Variants in LUZP2 observed in about 807,000 individuals in gnomAD.
LUZP2 encodes leucine zipper protein 2.
Under a neutral mutation model 51.6 loss-of-function variants are expected in LUZP2, and 52 were observed. The observed-to-expected ratio is 1.01, with a 90% CI of 0.81 to 1.27. The LOEUF (loss-of-function observed/expected upper bound fraction) is 1.27. LUZP2 is among the 50% of genes most tolerant of loss of function. The pLI is 0.00. For missense variants in LUZP2, 436 were observed against 395.4 expected, an observed-to-expected ratio of 1.10 and a Z score of -0.87; for synonymous variants, 154 against 137.3, an observed-to-expected ratio of 1.12 and a Z score of -0.85.
chr11:24,605,834 T>C (rs1853898474), intron 1 of LUZP2, among the ~76,000 whole-genome samples: 1 of 151,740 alleles, frequency 6.6e-6, no homozygotes, highest in South Asian at 2.1e-4. Flanking sequence ...ACTTCAATTG[T>C]GTGCCCTTTG....
At chr11:24,641,350 A>G (rs1855276079) in intron 1 of LUZP2, among the ~76,000 whole-genome samples, 1 of 151,862 alleles carries the variant, frequency 6.6e-6, no homozygotes, top group South Asian at 2.1e-4. Context: ...AATGACCTTA[A>G]TTTGCAACTT....
At chr11:24,834,122 G>T (rs1304190895) in intron 5 of LUZP2, among the ~76,000 whole-genome samples, 1 of 151,750 alleles carries the variant, frequency 6.6e-6, no homozygotes, top group Admixed American at 6.6e-5. Flanking sequence ...TACATGTGCA[G>T]AATGTGCAGG....
chr11:24,913,634 A>AT (rs1853705021), intron 6 of LUZP2, among the ~76,000 whole-genome samples: 1 of 150,568 alleles, frequency 6.6e-6, no homozygotes, highest in Non-Finnish European at 1.5e-5. Context: ...TTAAGTATCA[A>AT]TTTTTCCTTC....
intron 5 of LUZP2, among the ~76,000 whole-genome samples, chr11:24,850,837 T>A (rs927246593): frequency 1.3e-5 from 2 of 152,210 alleles, no homozygotes; most frequent in African/African-American, 4.8e-5. Context: ...GTTCTTCACA[T>A]CCCTTGTAAG....
At position 25,078,650 on chromosome 11, in the gene LUZP2, AT is replaced by A; in HGVS notation, c.1034del (p.Ile345AsnfsTer5). The A allele has an allele frequency of 6.3e-7, 1 of 1,597,592 alleles. No individual in the cohort carries two copies. The highest frequency in any genetic ancestry group is 8.5e-7 in the Non-Finnish European group (1 of 1,173,068). On this transcript the variant is annotated frameshift_variant, in exon 12 of 12. Coordinates refer to ENST00000336930, the MANE Select transcript of LUZP2 (RefSeq NM_001009909.4). LOFTEE classifies it high-confidence loss of function. ...FEGMAAREEK[I>X]L is the part of the protein sequence containing the mutation. The stretch of plus-strand genomic sequence containing the variant: ...AGGGATGGCAGCTAGAGAAGAAAAA[AT>A]ACTGTAAATACTAAGAAACTGTGTT...
At chr11:24,657,090 T>G (rs1855832393) in intron 1 of LUZP2, among the ~76,000 whole-genome samples, 1 of 152,122 alleles carries the variant, frequency 6.6e-6, no homozygotes, top group Non-Finnish European at 1.5e-5. Context: ...TTGATTTGCA[T>G]TATTTAGAAA....
chr11:24,530,397 A>C (rs188743271), intron 1 of LUZP2, among the ~76,000 whole-genome samples: 1 of 151,006 alleles, frequency 6.6e-6, no homozygotes, highest in East Asian at 1.9e-4. Context: ...CATCATATAT[A>C]CATATACCCA....
intron 1 of LUZP2, among the ~76,000 whole-genome samples, chr11:24,569,489 A>G (rs1181506462): frequency 6.6e-6 from 1 of 152,060 alleles, no homozygotes; most frequent in Admixed American, 6.6e-5. Flanking sequence ...GGTAATGTTG[A>G]TGCTGCTACT....
At chr11:24,789,445 G>A (rs970793674) in intron 5 of LUZP2, among the ~76,000 whole-genome samples, 42 of 152,032 alleles carry the variant, frequency 2.8e-4, no homozygotes, top group Admixed American at 2.1e-3. Context: ...CTACATGTTA[G>A]CAAATAGTTT....
intron 10 of LUZP2, among the ~76,000 whole-genome samples, chr11:25,058,287 T>C (rs1358855433): frequency 6.6e-6 from 1 of 152,186 alleles, no homozygotes; most frequent in African/African-American, 2.4e-5. Context: ...CTATGACAAC[T>C]TAACCATCCA....
chr11:24,602,387 T>TATACACACACAC (rs377367310), intron 1 of LUZP2, among the ~76,000 whole-genome samples: 16 of 129,532 alleles, frequency 1.2e-4, no homozygotes, highest in African/African-American at 4.6e-4. Flanking sequence ...TATATATATA[T>TATACACACACAC]ACACACACAC....
intron 1 of LUZP2, among the ~76,000 whole-genome samples, chr11:24,655,233 A>T (rs567861044): frequency 1.3e-4 from 20 of 152,304 alleles, no homozygotes; most frequent in African/African-American, 4.8e-4. Context: ...TTAAGACAAA[A>T]ATTGGCAGTT....
Position 24,814,331 on chromosome 11 carries a change from T to G in LUZP2, c.396+51023T>G, listed in dbSNP as rs561473742. ...GAACATAAGAAGTACTTCATGGATA[T>G]GTATTGAAGGGGTGAATGACAAGTG... On this transcript the variant is annotated intron_variant, in intron 5 of 11. Transcript: ENST00000336930. 2.6e-5 allele frequency among the ~76,000 whole-genome samples: 4 copies of G among 152,010 alleles called. 1 individual carries two copies. The highest frequency in any genetic ancestry group is 9.6e-5 in the African/African-American group (4 of 41,490).
intron 3 of LUZP2, among the ~76,000 whole-genome samples, chr11:24,735,402 C>G (rs1858897265): frequency 6.6e-6 from 1 of 151,842 alleles, no homozygotes; most frequent in East Asian, 1.9e-4. Flanking sequence ...CCTGAAATGT[C>G]TGAAAATTTG....
chr11:24,694,518 C>T (rs944039085), intron 1 of LUZP2, among the ~76,000 whole-genome samples: 1 of 152,038 alleles, frequency 6.6e-6, no homozygotes, highest in African/African-American at 2.4e-5. Context: ...TGTGGTGATT[C>T]CTCAAGGATC....
At chr11:24,800,540 C>CAA (rs34615618) in intron 5 of LUZP2, among the ~76,000 whole-genome samples, 1,647 of 141,118 alleles carry the variant, frequency 0.012, 14 homozygotes, top group Non-Finnish European at 0.017. Flanking sequence ...TCATTTAACT[C>CAA]AAAAAAAAAA....
chr11:24,952,491 T>C (rs10767279), intron 7 of LUZP2, among the ~76,000 whole-genome samples: 18 of 151,308 alleles, frequency 1.2e-4, no homozygotes, highest in Non-Finnish European at 2.5e-4. Flanking sequence ...GAATGGGGAA[T>C]TGAGATTTCC....
intron 1 of LUZP2, among the ~76,000 whole-genome samples, chr11:24,521,041 T>A (rs1850622720): frequency 1.3e-5 from 2 of 152,202 alleles, no homozygotes; most frequent in African/African-American, 4.8e-5. Context: ...TGCCATTTGG[T>A]GTAATCTTTT....
chr11:24,934,226 A>T (rs76615797), intron 7 of LUZP2, among the ~76,000 whole-genome samples: 1 of 152,190 alleles, frequency 6.6e-6, no homozygotes, highest in African/African-American at 2.4e-5. Context: ...ATATATACAC[A>T]TGCAGGTCAC....
Sources: allele counts gnomAD v4.1 joint callset (sites outside exome capture counted in the v4.1 genomes callset), GRCh38; gene constraint gnomAD v4.1.1; transcripts MANE v1.5; gene names NCBI Gene and HGNC (gene_info 2026-07-23, HGNC 2026-07-21).